The following ADAMTS20 variants were observed in gnomAD, a reference collection of about 807,000 sequenced individuals.
ADAMTS20 encodes the protein A disintegrin and metalloproteinase with thrombospondin motifs 20.
A neutral mutation model predicts 260.1 loss-of-function variants in ADAMTS20; 225 were observed. The observed-to-expected ratio is 0.87, with a 90% CI of 0.78 to 0.97. The LOEUF is 0.97. ADAMTS20 is among the 50% of genes least tolerant of loss of function. The pLI, the probability that ADAMTS20 is intolerant of heterozygous loss-of-function variation, is 0.00. For synonymous variants in ADAMTS20, 802 were observed against 769.5 expected (o/e 1.04, Z -0.70); for missense variants, 2,400 against 2,337.7 (o/e 1.03, Z -0.55).
chr12:43,528,348 CAAAAAAAAAAAAA>C (rs58281767), intron 3 of ADAMTS20, among the ~76,000 whole-genome samples: 14 of 29,056 alleles, frequency 4.8e-4, no homozygotes, highest in Admixed American at 4.2e-3. Context: ...CAATCCTAAG[CAAAAAAAAAAAAA>C]AAAAAAAAAA....
rs565739188 is a variant in ADAMTS20, at chr12:43,354,292, T to A, written c.5650A>T (p.Thr1884Ser). 6.3e-6 allele frequency: 10 copies of A among 1,584,340 alleles called. No individual in the cohort carries two copies. The East Asian group carries it at 2.3e-4, about 36-fold the overall frequency. ...SVSIRRSEDG[T>S]RFFGKCGGYC... ...CCTCCACATTTGCCGAAAAATCTAG[T>A]TCCATCCTGAAAATCGGAAGAAGAA... Residue 1884 changes from threonine (T) to serine (S), a missense_variant, in exon 39 of 39, where the codon ACT (threonine) becomes TCT (serine). Physicochemically the swap from Thr to Ser is moderately conservative, Grantham distance 58. Coordinates refer to ENST00000389420, the MANE Select transcript of ADAMTS20 (RefSeq NM_025003.5).
chr12:43,375,376 T>A lies in ADAMTS20; in HGVS notation c.5446+3A>T, dbSNP rs749974735. The A allele has an allele frequency of 6.2e-7, 1 of 1,610,838 alleles. No individual in the cohort carries two copies. On this transcript the variant is annotated splice_donor_region_variant and intron_variant, in intron 36 of 38. Coordinates refer to ENST00000389420, the MANE Select transcript of ADAMTS20 (RefSeq NM_025003.5). ...GATTTTAAAATATAGATTGAGCACT[T>A]ACTTTTAATTTGCATGGAAGTGAGA...
At chr12:43,448,627 A>C (rs1941805935) in intron 14 of ADAMTS20, among the ~76,000 whole-genome samples, 1 of 152,202 alleles carries the variant, frequency 6.6e-6, no homozygotes, top group Admixed American at 6.5e-5. Flanking sequence ...CAACAGCAAA[A>C]ACTGGAAAAT....
chr12:43,431,510 A>T lies in ADAMTS20; in HGVS notation c.3097-14T>A, dbSNP rs1253231209. 6.2e-7 allele frequency: 1 copy of T among 1,613,674 alleles called. No individual in the cohort carries two copies. The highest frequency in any genetic ancestry group is 8.5e-7 in the Non-Finnish European group (1 of 1,179,746). Reference sequence around the variant, plus strand: ...TGTAACAAGGCACTGTAAGAATAAAACTGATCATTATTTATTTGCAGCATT... The same window carrying T: ...TGTAACAAGGCACTGTAAGAATAAATCTGATCATTATTTATTTGCAGCATT... On this transcript the variant is annotated splice_polypyrimidine_tract_variant and intron_variant, in intron 21 of 38. Transcript: ENST00000389420.
chr12:43,462,570 A>G (rs1460907084), intron 11 of ADAMTS20, among the ~76,000 whole-genome samples: 2 of 152,186 alleles, frequency 1.3e-5, no homozygotes, highest in African/African-American at 2.4e-5. Context: ...GAATTTGGAG[A>G]ATTTGCCAAA....
chr12:43,452,212 T>G, intron 14 of ADAMTS20, 62 bp downstream of exon 14: 1 of 1,494,646 alleles, frequency 6.7e-7, no homozygotes, highest in African/African-American at 1.4e-5. Flanking sequence ...GTTATATAAA[T>G]CGAAAAAAAA....
chr12:43,419,226 A>G (rs768615047), intron 28 of ADAMTS20, among the ~76,000 whole-genome samples: 23 of 152,150 alleles, frequency 1.5e-4, no homozygotes, highest in Admixed American at 2.6e-4. Context: ...GTATGACTAT[A>G]TAATACATAT....
At chr12:43,450,587 A>T (rs1337842330) in intron 14 of ADAMTS20, among the ~76,000 whole-genome samples, 1 of 152,120 alleles carries the variant, frequency 6.6e-6, no homozygotes, top group Non-Finnish European at 1.5e-5. Context: ...TGAACATCTC[A>T]TTAGCTCTTT....
chr12:43,390,448 T>C (rs565519314), intron 29 of ADAMTS20, among the ~76,000 whole-genome samples: 1 of 152,352 alleles, frequency 6.6e-6, no homozygotes, highest in South Asian at 2.1e-4. Context: ...TCTTTTTTAT[T>C]AACAACTCCA....
rs1941473644 is a variant in ADAMTS20 at position 43,432,737 on chromosome 12, A to C, written c.2795T>G (p.Met932Arg). 6.2e-7 allele frequency: 1 copy of C among 1,613,990 alleles called. No homozygotes were observed. The highest frequency in any genetic ancestry group is 8.5e-7 in the Non-Finnish European group (1 of 1,179,868). ...QGYRTLDIHC[M>R]KYSIHEGQTV... ...CTGTCCTTCATGAATGGAATACTTCATGCAATGGATGTCCAAGGTTCTATA... is the reference window on the plus strand; with the variant it reads ...CTGTCCTTCATGAATGGAATACTTCCTGCAATGGATGTCCAAGGTTCTATA... Residue 932 changes from methionine to arginine, a missense_variant, in exon 20 of 39, where the codon ATG becomes AGG. Met to Arg is a moderately conservative substitution (Grantham distance 91). Transcript: ENST00000389420.
intron 16 of ADAMTS20, among the ~76,000 whole-genome samples, chr12:43,440,300 C>T (rs994634791): frequency 1.3e-5 from 2 of 152,066 alleles, no homozygotes; most frequent in Admixed American, 1.3e-4. Context: ...AGGCATGCGC[C>T]ACCACGCCTG....
Position 43,482,237 on chromosome 12 carries a change from C to G in ADAMTS20, c.1117+8158G>C, listed in dbSNP as rs551911360. ...CCAAATGAGGTTTGCAATATAATCTCAAGTGGGAACGAACCTCGTTGGCCA... is the reference window on the plus strand; with the variant it reads ...CCAAATGAGGTTTGCAATATAATCTGAAGTGGGAACGAACCTCGTTGGCCA... On this transcript the variant is annotated intron_variant, in intron 7 of 38. Transcript: ENST00000389420. 6.4e-4 allele frequency among the ~76,000 whole-genome samples: 97 copies of G among 152,292 alleles called. 2 individuals carry two copies. Among genetic ancestry groups the G allele is most frequent in the African/African-American group, 2.2e-3 (91 of 41,554 alleles).
chr12:43,494,649 G>C (rs17093382), intron 4 of ADAMTS20, among the ~76,000 whole-genome samples: 5,528 of 152,196 alleles, frequency 0.036, 178 homozygotes, highest in African/African-American at 0.084. Context: ...GTTAAGACTG[G>C]GATGGTCAGC....
chr12:43,368,404 C>T (rs777202158), intron 37 of ADAMTS20, among the ~76,000 whole-genome samples: 24 of 152,038 alleles, frequency 1.6e-4, no homozygotes, highest in Non-Finnish European at 2.9e-4. Context: ...TATTCAGGTT[C>T]TTACTCATTT....
At chr12:43,431,105 G>C (rs1941433815) in intron 22 of ADAMTS20, among the ~76,000 whole-genome samples, 1 of 152,146 alleles carries the variant, frequency 6.6e-6, no homozygotes, top group Non-Finnish European at 1.5e-5. Context: ...TAGCATTTTG[G>C]TTAACAAAAG....
intron 14 of ADAMTS20, among the ~76,000 whole-genome samples, chr12:43,448,560 C>A (rs577020642): frequency 6.6e-6 from 1 of 152,120 alleles, no homozygotes; most frequent in South Asian, 2.1e-4. Flanking sequence ...CTAGGCCATA[C>A]CATTCTGGAC....
At chr12:43,527,094 A>G (rs536480682) in intron 3 of ADAMTS20, among the ~76,000 whole-genome samples, 16 of 152,324 alleles carry the variant, frequency 1.1e-4, no homozygotes, top group Middle Eastern at 3.4e-3. Context: ...CCCAGAGAAA[A>G]CAGATAAATT....
intron 31 of ADAMTS20, among the ~76,000 whole-genome samples, chr12:43,379,988 A>C (rs538613628): frequency 8.0e-6 from 1 of 124,940 alleles, no homozygotes; most frequent in Admixed American, 7.3e-5. Flanking sequence ...AGACATCACA[A>C]AAAAAAAAAC....
rs747942412 is a variant in ADAMTS20 at position 43,432,755 on chromosome 12, G to T, written c.2777C>A (p.Thr926Asn). Residue 926 changes from threonine to asparagine, a missense_variant, in exon 20 of 39, where the codon ACC (threonine) becomes AAC (asparagine). Coordinates refer to ENST00000389420, the MANE Select transcript of ADAMTS20 (RefSeq NM_025003.5). ...CSSQCGQGYRTLDIHCMKYSI... is the reference protein window; with the variant it reads ...CSSQCGQGYRNLDIHCMKYSI... ...ATACTTCATGCAATGGATGTCCAAG[G>T]TTCTATATCCTTGACCACATTGGGA... is the stretch of plus-strand genomic sequence containing the variant. 2 of 1,613,896 alleles carry T rather than the reference G, an allele frequency of 1.2e-6. No individual in the cohort carries two copies. The highest frequency in any genetic ancestry group is 4.5e-5 in the East Asian group (2 of 44,866).
Sources: gnomAD v4.1 joint callset for allele counts (sites outside exome capture counted in the v4.1 genomes callset) on GRCh38, gnomAD v4.1.1 for gene constraint, MANE v1.5 for transcripts, NCBI Gene and HGNC (gene_info 2026-07-23, HGNC 2026-07-21) for gene names.